DECR1: variants seen among roughly 807,000 people sequenced by gnomAD.
DECR1 encodes the protein 2,4-dienoyl-CoA reductase [(3E)-enoyl-CoA-producing], mitochondrial.
Under a neutral mutation model 38.8 loss-of-function variants are expected in DECR1, and 44 were observed. The observed-to-expected ratio is 1.13, with a 90% confidence interval of 0.89 to 1.46. The LOEUF is 1.46. Among genes scored for constraint, DECR1 ranks in the 40% most tolerant of loss-of-function variants. DECR1 has a pLI of 0.00. For synonymous variants in DECR1, 148 were observed against 135.2 expected (o/e 1.09, Z -0.66); for missense variants, 428 against 405.5 (o/e 1.06, Z -0.48).
rs137908812 is a variant in DECR1, at chr8:90,037,511, A to G, written c.665+571A>G. On this transcript the variant is annotated intron_variant, in intron 6 of 9. Coordinates refer to ENST00000220764, the MANE Select transcript of DECR1 (RefSeq NM_001359.2). Reference sequence around the variant, plus strand: ...GCCCAAGCTGGATTGCAGTGGTGCAATCACAGCTTATTGCAGCCTTAATCT... The same window carrying G: ...GCCCAAGCTGGATTGCAGTGGTGCAGTCACAGCTTATTGCAGCCTTAATCT... Among the ~76,000 whole-genome samples the G allele has an allele frequency of 9.6e-3, 1,459 of 151,762 alleles. 26 individuals carry two copies. Among genetic ancestry groups the G allele is most frequent in the African/African-American group, 0.034 (1,410 of 41,334 alleles).
At chr8:90,034,597 A>C (rs1026327543) in intron 5 of DECR1, among the ~76,000 whole-genome samples, 8 of 152,014 alleles carry the variant, frequency 5.3e-5, no homozygotes, top group African/African-American at 1.9e-4. Flanking sequence ...AATTACAGGC[A>C]TGCCCTACCA....
At chr8:90,021,167 C>A in intron 5 of DECR1, 111 bp downstream of exon 5, 1 of 730,090 alleles carries the variant, frequency 1.4e-6, no homozygotes, top group Non-Finnish European at 2.0e-6. Context: ...TTGTACAACT[C>A]ACAGTGTAAT....
chr8:90,037,080 C>T, intron 6 of DECR1, 140 bp downstream of exon 6: 1 of 615,196 alleles, frequency 1.6e-6, no homozygotes, highest in Non-Finnish European at 2.9e-6. Context: ...TACATTTTAT[C>T]TCCCAGATAA....
At position 90,052,196 on chromosome 8, in the gene DECR1, A is replaced by G. The variant is rs1268422877; in HGVS notation, c.*299A>G. 2 of 287,336 alleles carry G rather than the reference A, an allele frequency of 7.0e-6. No homozygotes were observed. The highest frequency in any genetic ancestry group is 1.3e-5 in the Non-Finnish European group (2 of 154,890). The allele number at this position is 287,336 out of a possible 1,614,324, so 17.8% of individuals were successfully genotyped here. A position where few individuals can be genotyped will look rare whatever the true frequency, so the allele number is the denominator to read the frequency against. On this transcript the variant is annotated 3_prime_UTR_variant, in exon 10 of 10. Coordinates refer to ENST00000220764, the MANE Select transcript of DECR1 (RefSeq NM_001359.2). ...AGTGCAGAGAGAACAGATCTTTGTG[A>G]CTTGGAAAATCAGGAGAAACTCAAT... is the stretch of plus-strand genomic sequence containing the variant.
intron 8 of DECR1, among the ~76,000 whole-genome samples, chr8:90,047,068 C>G (rs1263123580): frequency 6.6e-6 from 1 of 152,160 alleles, no homozygotes; most frequent in Non-Finnish European, 1.5e-5. Flanking sequence ...GTACCAGCCA[C>G]TGCAAAAACA....
At chr8:90,044,778 A>AT (rs1813843199) in intron 7 of DECR1, 71 bp from the exon 8 acceptor site, 3 of 1,513,172 alleles carry the variant, frequency 2.0e-6, no homozygotes, top group East Asian at 2.3e-5. Context: ...TTTTATACAC[A>AT]TTTTTTCTTG....
intron 6 of DECR1, among the ~76,000 whole-genome samples, chr8:90,040,343 T>C (rs1813726267): frequency 6.6e-6 from 1 of 152,170 alleles, no homozygotes. Context: ...AATACATTCA[T>C]GGATTAAGTC....
intron 5 of DECR1, among the ~76,000 whole-genome samples, chr8:90,021,341 T>C (rs1467127334): frequency 6.6e-6 from 1 of 151,980 alleles, no homozygotes; most frequent in African/African-American, 2.4e-5. Context: ...AGTTCAAAGA[T>C]CTAGATGTGG....
intron 8 of DECR1, among the ~76,000 whole-genome samples, chr8:90,051,183 AAAAAG>A (rs1175717696): frequency 1.3e-5 from 2 of 151,954 alleles, no homozygotes; most frequent in East Asian, 1.9e-4. Flanking sequence ...TTAAAAAAAA[AAAAAG>A]AAAAGAGGTT....
At position 90,027,542 on chromosome 8, in the gene DECR1, C is replaced by T. The variant is rs976698672; in HGVS notation, c.565+6486C>T. On this transcript the variant is annotated intron_variant, in intron 5 of 9. Transcript: ENST00000220764. ...TTTTATCAGAGACTAGGATTACAAC[C>T]CCTGCTTTTTTTGTTTTCCATTTGC... is the stretch of plus-strand genomic sequence containing the variant. Among the ~76,000 whole-genome samples, 11 of 151,984 alleles carry T rather than the reference C, an allele frequency of 7.2e-5. No homozygotes were observed. The South Asian group carries it at 2.3e-3, about 32-fold the overall frequency.
intron 5 of DECR1, among the ~76,000 whole-genome samples, chr8:90,026,616 T>A (rs1368328118): frequency 1.3e-5 from 2 of 152,204 alleles, no homozygotes; most frequent in Admixed American, 1.3e-4. Flanking sequence ...TTCTCTCTTT[T>A]CTTCTTTATT....
intron 5 of DECR1, chr8:90,030,517 A>G (rs1188667649): frequency 2.0e-5 from 3 of 152,230 alleles, no homozygotes; most frequent in Non-Finnish European, 2.9e-5. Flanking sequence ...GGAGACCTGC[A>G]AAAGGAAGGT....
At chr8:90,029,030 A>G (rs1178800846) in intron 5 of DECR1, among the ~76,000 whole-genome samples, 1 of 152,144 alleles carries the variant, frequency 6.6e-6, no homozygotes, top group African/African-American at 2.4e-5. Flanking sequence ...AAAATCGACA[A>G]TTGACATAAT....
chr8:90,044,688 AT>A (rs920220056), intron 7 of DECR1, among the ~76,000 whole-genome samples, 160 bp from the exon 8 acceptor site: 23 of 150,104 alleles, frequency 1.5e-4, no homozygotes, highest in African/African-American at 2.4e-4. Flanking sequence ...CCAGTGATCT[AT>A]TTTTTTTTTA....
intron 5 of DECR1, among the ~76,000 whole-genome samples, chr8:90,033,011 A>G (rs1460286720): frequency 1.3e-5 from 2 of 152,184 alleles, no homozygotes; most frequent in East Asian, 1.9e-4. Flanking sequence ...TTTACAGGTG[A>G]TAAATCTAGG....
chr8:90,049,564 G>A lies in DECR1; in HGVS notation c.886-2113G>A, dbSNP rs1408052329. ...AATGGAAGAACATTCCATGCTCATG[G>A]ATAGGAAGAATCAATGTGTGAAAAT... On this transcript the variant is annotated intron_variant, in intron 8 of 9. Coordinates refer to ENST00000220764, the MANE Select transcript of DECR1 (RefSeq NM_001359.2). Among the ~76,000 whole-genome samples, 28 of 152,190 alleles carry A rather than the reference G, an allele frequency of 1.8e-4. 1 individual carries two copies. The highest frequency in any genetic ancestry group is 1.8e-3 in the Admixed American group (28 of 15,286).
intron 6 of DECR1, 156 bp downstream of exon 6, chr8:90,037,096 A>G (rs971909069): frequency 1.0e-5 from 6 of 593,592 alleles, no homozygotes; most frequent in African/African-American, 5.6e-5. Flanking sequence ...GATAAGTCCT[A>G]TTTGTCTATA....
chr8:90,040,072 A>T (rs1303179350), intron 6 of DECR1, among the ~76,000 whole-genome samples: 1 of 152,228 alleles, frequency 6.6e-6, no homozygotes, highest in Non-Finnish European at 1.5e-5. Flanking sequence ...GAACAAATGT[A>T]TCTGGCACAC....
intron 5 of DECR1, among the ~76,000 whole-genome samples, chr8:90,021,788 G>A (rs1278604687): frequency 6.6e-6 from 1 of 152,142 alleles, no homozygotes; most frequent in African/African-American, 2.4e-5. Flanking sequence ...ATGGGATGAA[G>A]AGTCTGGATG....
Sources: allele counts gnomAD v4.1 joint callset (sites outside exome capture counted in the v4.1 genomes callset), GRCh38; gene constraint gnomAD v4.1.1; transcripts MANE v1.5; gene names NCBI Gene and HGNC (gene_info 2026-07-23, HGNC 2026-07-21).